B4GALT6: variants seen among roughly 807,000 people sequenced by gnomAD.
The protein encoded by B4GALT6 is UDP-Gal:beta-GlcNAc beta-1,4-galactosyltransferase 6.
Under a neutral mutation model 46.3 loss-of-function variants are expected in B4GALT6, and 14 were observed. That is an observed-to-expected ratio of 0.30 (90% confidence interval 0.20 to 0.47). B4GALT6 has a LOEUF of 0.47. Ranked by LOEUF, B4GALT6 falls within the 20% of genes least tolerant of loss-of-function variation. The probability of loss-of-function intolerance (pLI) is 0.99; values close to 1 mark genes in which losing one functional copy is unlikely to be tolerated. For synonymous variants in B4GALT6, 168 were observed against 162.0 expected (o/e 1.04, Z -0.28); for missense variants, 386 against 480.1 (o/e 0.80, Z 1.83).
chr18:31,660,996 A>AC lies in B4GALT6; in HGVS notation c.233-2908dup, dbSNP rs566892782. Among the ~76,000 whole-genome samples, 334 of 152,218 alleles carry AC rather than the reference A, an allele frequency of 2.2e-3. 3 individuals carry two copies. Among genetic ancestry groups the AC allele is most frequent in the East Asian group, 0.011 (56 of 5,188 alleles). On this transcript the variant is annotated intron_variant, in intron 2 of 8. Coordinates refer to ENST00000306851, the MANE Select transcript of B4GALT6 (RefSeq NM_004775.5). ...AGACAATGGCATGGGAATTTTGGAA[A>AC]CCCCCCCTTAGCGTGGTCAACTCAT...
the B4GALT6 span, among the ~76,000 whole-genome samples, chr18:31,691,449 A>C: frequency 1.3e-5 from 2 of 151,546 alleles, no homozygotes; most frequent in Non-Finnish European, 2.9e-5. Context: ...TCACAAAAGC[A>C]AAAGATAAAA....
chr18:31,704,199 T>G, the B4GALT6 span, among the ~76,000 whole-genome samples: 1 of 151,702 alleles, frequency 6.6e-6, no homozygotes, highest in Non-Finnish European at 1.5e-5. Context: ...AAAACCAATA[T>G]CTTTTTATGA....
At position 31,641,260 on chromosome 18, in the gene B4GALT6, A is replaced by G. The variant is rs2073927569; in HGVS notation, c.472-2500T>C. 2.0e-5 allele frequency among the ~76,000 whole-genome samples: 3 copies of G among 152,372 alleles called. No homozygotes were observed. In the South Asian group the frequency reaches 6.2e-4, roughly 32 times the overall value. On this transcript the variant is annotated intron_variant, in intron 4 of 8. Coordinates refer to ENST00000306851, the MANE Select transcript of B4GALT6 (RefSeq NM_004775.5). ...AATCTCTTCAATGAAGTATTTAAAT[A>G]TCAAGTGTTTTTTCTTTTAATCTCA... is the stretch of plus-strand genomic sequence containing the variant.
chr18:31,708,580 A>T, the B4GALT6 span, among the ~76,000 whole-genome samples: 81,613 of 149,646 alleles, frequency 0.55, 22,609 homozygotes, highest in South Asian at 0.66. Context: ...AAATAAAAAT[A>T]AAAATTAAAA....
At chr18:31,686,417 A>G (rs79722971), upstream of B4GALT6, 1,561 of 152,336 alleles carry the variant, frequency 0.01, 16 homozygotes, top group Non-Finnish European at 0.015. Context: ...CTCCGCCCTC[A>G]AACAGTGGAT....
chr18:31,668,859 A>AC (rs1322747976), intron 1 of B4GALT6, among the ~76,000 whole-genome samples: 1 of 151,196 alleles, frequency 6.6e-6, no homozygotes, highest in East Asian at 2.0e-4. Flanking sequence ...AAAAAAAAAA[A>AC]AACTAGCCAG....
Position 31,647,753 on chromosome 18 carries a change from AGGAAG to A in B4GALT6, c.347-2279_347-2275del, listed in dbSNP as rs377469012. 3.9e-5 allele frequency among the ~76,000 whole-genome samples: 6 copies of A among 152,276 alleles called. No homozygotes were observed. The East Asian group carries it at 7.7e-4, about 20-fold the overall frequency. ...GTATTAGGGAGAAGATCCTGTACAT[AGGAAG>A]GGAAGGGAAAAGGTCATGTTATAAA... On this transcript the variant is annotated intron_variant, in intron 3 of 8. Coordinates refer to ENST00000306851, the MANE Select transcript of B4GALT6 (RefSeq NM_004775.5).
At chr18:31,665,603 G>C (rs888861306) in intron 2 of B4GALT6, among the ~76,000 whole-genome samples, 48 of 152,100 alleles carry the variant, frequency 3.2e-4, no homozygotes, top group Admixed American at 1.2e-3. Context: ...TTAGCCGGGC[G>C]TGGTGATGGG....
chr18:31,701,933 A>G, the B4GALT6 span, among the ~76,000 whole-genome samples: 1 of 152,160 alleles, frequency 6.6e-6, no homozygotes. Context: ...CACTTACATA[A>G]GAAGAATATA....
At chr18:31,646,904 A>G (rs1323795287) in intron 3 of B4GALT6, among the ~76,000 whole-genome samples, 1 of 152,250 alleles carries the variant, frequency 6.6e-6, no homozygotes, top group African/African-American at 2.4e-5. Context: ...TCTACTGACA[A>G]CATAAGCAGT....
In B4GALT6 at chr18:31,672,110, T is replaced by C. The variant is rs558842025; in HGVS notation, c.116-5738A>G. Among the ~76,000 whole-genome samples, 8 of 152,318 alleles carry C rather than the reference T, an allele frequency of 5.3e-5. No individual in the cohort carries two copies. The South Asian group carries it at 1.5e-3, about 28-fold the overall frequency. ...CTAACAGTGCTGTAAGGATTCAAGA[T>C]AAGAAGAACATGCCTGCCTGCAGGG... On this transcript the variant is annotated intron_variant, in intron 1 of 8. Transcript: ENST00000306851.
At chr18:31,702,229 T>C in the B4GALT6 span, among the ~76,000 whole-genome samples, 1 of 152,256 alleles carries the variant, frequency 6.6e-6, no homozygotes, top group African/African-American at 2.4e-5. Context: ...TCAGTACTTA[T>C]TAATGTTTCA....
At position 31,624,303 on chromosome 18, in the gene B4GALT6, T is replaced by C. The variant is rs910389957; in HGVS notation, c.*1311A>G. ...TTTTAGATACTACATATAGAAGACATTATAATATCAGCGCACTGAATACTG... is the reference window on the plus strand; with the variant it reads ...TTTTAGATACTACATATAGAAGACACTATAATATCAGCGCACTGAATACTG... On this transcript the variant is annotated 3_prime_UTR_variant, in exon 9 of 9. Transcript: ENST00000306851. 2.6e-5 allele frequency: 4 copies of C among 152,002 alleles called. No homozygotes were observed. The highest frequency in any genetic ancestry group is 9.7e-5 in the African/African-American group (4 of 41,440). 9.4% of individuals were successfully genotyped at this position (152,002 alleles called of 1,614,324 possible). A position where few individuals can be genotyped will look rare whatever the true frequency, so the allele number is the denominator to read the frequency against.
chr18:31,663,216 C>T (rs977952000), intron 2 of B4GALT6, among the ~76,000 whole-genome samples: 2 of 152,142 alleles, frequency 1.3e-5, no homozygotes, highest in Admixed American at 6.5e-5. Context: ...TATTTTGCTG[C>T]GAAACAGCAG....
the B4GALT6 span, among the ~76,000 whole-genome samples, chr18:31,718,545 C>T: frequency 8.5e-5 from 13 of 152,212 alleles, no homozygotes; most frequent in Non-Finnish European, 1.3e-4. Context: ...ATCTGGAGGG[C>T]TGGTGCTTGG....
chr18:31,631,527 A>G lies in B4GALT6; in HGVS notation c.589-381T>C, dbSNP rs182058189. On this transcript the variant is annotated intron_variant, in intron 5 of 8. Transcript: ENST00000306851. The stretch of plus-strand genomic sequence containing the variant: ...ATTTAATAACATAGAAGAAAACAGT[A>G]TCTAGTCCATTGGTACATCAGCACA... Among the ~76,000 whole-genome samples the G allele has an allele frequency of 3.5e-4, 53 of 152,296 alleles. 1 individual carries two copies. Among genetic ancestry groups the G allele is most frequent in the Non-Finnish European group, 7.4e-5 (5 of 68,024 alleles).
chr18:31,724,287 C>T, the B4GALT6 span: 1 of 431,826 alleles, frequency 2.3e-6, no homozygotes, highest in South Asian at 2.6e-5. Flanking sequence ...TCTCTGGGCC[C>T]CACGGGCCCC....
At position 31,684,423 on chromosome 18, in the gene B4GALT6, A is replaced by G. The variant is rs763409374; in HGVS notation, c.4T>C (p.Ser2Pro). ...ACCCGCATCATCCGCCTGAGCACAGACATCTTCCTCTTCCCTGCCAGCAGC... is the reference window on the plus strand; with the variant it reads ...ACCCGCATCATCCGCCTGAGCACAGGCATCTTCCTCTTCCCTGCCAGCAGC... The part of the protein sequence containing the change: M[S>P]VLRRMMRVSN... Residue 2 changes from serine to proline, a missense_variant, in exon 1 of 9, where the codon TCT (serine) becomes CCT (proline). Physicochemically the swap from Ser to Pro is moderately conservative, Grantham distance 74 (BLOSUM62 -1). This residue lies in a region of B4GALT6 where 63 missense variants were observed against 41.3 expected (regional missense o/e 1.53). Coordinates refer to ENST00000306851, the MANE Select transcript of B4GALT6 (RefSeq NM_004775.5). 2 of 1,613,438 alleles carry G rather than the reference A, an allele frequency of 1.2e-6. No individual in the cohort carries two copies. Among genetic ancestry groups the G allele is most frequent in the South Asian group, 1.1e-5 (1 of 91,020 alleles).
At chr18:31,684,796 G>A, upstream of B4GALT6, 1 of 1,037,406 alleles carries the variant, frequency 9.6e-7, no homozygotes, top group African/African-American at 1.7e-5. Flanking sequence ...AGGAGGCGCA[G>A]GCTGCGCGCC....
Sources: gnomAD v4.1 joint callset for allele counts (sites outside exome capture counted in the v4.1 genomes callset) on GRCh38, gnomAD v4.1.1 for gene constraint, gnomAD v4.1.1 regional missense constraint, MANE v1.5 for transcripts, NCBI Gene and HGNC (gene_info 2026-07-23, HGNC 2026-07-21) for gene names.